The following IGF2BP2 variants were observed in gnomAD, a reference collection of about 807,000 sequenced individuals.
The protein encoded by IGF2BP2 is insulin like growth factor 2 mRNA binding protein 2, also known as insulin-like growth factor 2 mRNA-binding protein 2.
IGF2BP2 carries 17 observed loss-of-function variants against 75.8 expected under a neutral mutation model. The observed-to-expected ratio is 0.22, with a 90% CI of 0.15 to 0.34. IGF2BP2 has a LOEUF of 0.34. Ranked by LOEUF, IGF2BP2 falls within the 10% of genes least tolerant of loss-of-function variation. The probability of loss-of-function intolerance (pLI) is 1.00; values close to 1 mark genes in which losing one functional copy is unlikely to be tolerated. For missense variants in IGF2BP2, 516 were observed against 772.4 expected (o/e 0.67, Z 3.93); for synonymous variants, 288 against 295.6 (o/e 0.97, Z 0.26).
chr3:185,734,999 T>C (rs1728673624), intron 2 of IGF2BP2, among the ~76,000 whole-genome samples: 1 of 152,116 alleles, frequency 6.6e-6, no homozygotes, highest in Admixed American at 6.6e-5. Context: ...CACACATAAG[T>C]GCTCAAGCTA....
intron 6 of IGF2BP2, among the ~76,000 whole-genome samples, chr3:185,687,709 C>T (rs1721341770): frequency 6.6e-6 from 1 of 152,234 alleles, no homozygotes; most frequent in African/African-American, 2.4e-5. Context: ...TTTCCATTGG[C>T]AGCCTGCCAT....
chr3:185,767,020 T>C (rs1692190139), intron 2 of IGF2BP2, among the ~76,000 whole-genome samples: 1 of 152,192 alleles, frequency 6.6e-6, no homozygotes, highest in Non-Finnish European at 1.5e-5. Context: ...CTTCCTAAAA[T>C]AGGACTGAAA....
chr3:185,713,289 C>T (rs1351471033), intron 2 of IGF2BP2: 1 of 393,110 alleles, frequency 2.5e-6, no homozygotes, highest in Non-Finnish European at 5.1e-6. Flanking sequence ...GGATACTCCA[C>T]TTGTTATTGC....
chr3:185,677,490 C>A (rs1213052253), intron 7 of IGF2BP2, among the ~76,000 whole-genome samples: 1 of 152,110 alleles, frequency 6.6e-6, no homozygotes. Flanking sequence ...AGCCAGTACA[C>A]AGAGACTGTG....
intron 2 of IGF2BP2, among the ~76,000 whole-genome samples, chr3:185,817,464 G>C (rs1178597959): frequency 6.6e-6 from 1 of 152,088 alleles, no homozygotes; most frequent in African/African-American, 2.4e-5. Flanking sequence ...AGAATCTGAA[G>C]TTTTCTACAA....
chr3:185,724,162 C>T (rs897226363), intron 2 of IGF2BP2, among the ~76,000 whole-genome samples: 7 of 152,176 alleles, frequency 4.6e-5, no homozygotes, highest in Non-Finnish European at 1.0e-4. Context: ...CCAGACAGCA[C>T]GTGAGCAAAA....
In IGF2BP2 at chr3:185,750,963, T is replaced by A. The variant is rs1195611958; in HGVS notation, c.240-52616A>T. The stretch of plus-strand genomic sequence containing the variant: ...TGGGCGTGGTGGCTCACACCTGTAA[T>A]CCCAGCACTCTGGGAGGCCAATGTG... On this transcript the variant is annotated intron_variant, in intron 2 of 15. Coordinates refer to ENST00000382199, the MANE Select transcript of IGF2BP2 (RefSeq NM_006548.6). 3.3e-5 allele frequency among the ~76,000 whole-genome samples: 5 copies of A among 152,348 alleles called. No individual in the cohort carries two copies. The South Asian group carries it at 8.3e-4, about 25-fold the overall frequency.
At chr3:185,824,577 G>A (rs1317834098) in intron 1 of IGF2BP2, among the ~76,000 whole-genome samples, 1 of 150,312 alleles carries the variant, frequency 6.7e-6, no homozygotes, top group African/African-American at 2.4e-5. Context: ...CCGAGGGCGA[G>A]GGCAGAGTCC....
At chr3:185,757,639 A>AT (rs1731810303) in intron 2 of IGF2BP2, among the ~76,000 whole-genome samples, 1 of 151,484 alleles carries the variant, frequency 6.6e-6, no homozygotes, top group African/African-American at 2.4e-5. Flanking sequence ...TAATTTTTGT[A>AT]TTTTTTGTAG....
chr3:185,775,472 A>G (rs1028988641), intron 2 of IGF2BP2, among the ~76,000 whole-genome samples: 2 of 152,218 alleles, frequency 1.3e-5, no homozygotes, highest in Non-Finnish European at 2.9e-5. Context: ...ACACAATGGT[A>G]AGAGCTAGAA....
intron 9 of IGF2BP2, 33 bp downstream of exon 9, chr3:185,675,263 A>G: frequency 2.5e-6 from 4 of 1,592,874 alleles, no homozygotes; most frequent in Non-Finnish European, 3.4e-6. Flanking sequence ...AGCCTAGTGA[A>G]AACCAGCGGA....
chr3:185,794,898 T>A (rs1218520623), intron 2 of IGF2BP2, among the ~76,000 whole-genome samples: 1 of 151,902 alleles, frequency 6.6e-6, no homozygotes, highest in Non-Finnish European at 1.5e-5. Context: ...CAGTTATCTT[T>A]TCTTTTCTTT....
chr3:185,658,219 C>A, intron 11 of IGF2BP2, 122 bp downstream of exon 11: 2 of 980,638 alleles, frequency 2.0e-6, no homozygotes, highest in Non-Finnish European at 3.2e-6. Context: ...GTGTCACTCC[C>A]AGGACAAACC....
intron 2 of IGF2BP2, among the ~76,000 whole-genome samples, chr3:185,783,109 G>A (rs1735412739): frequency 6.6e-6 from 1 of 152,186 alleles, no homozygotes; most frequent in Non-Finnish European, 1.5e-5. Context: ...TAAAAGGATA[G>A]TGATAAGATT....
intron 2 of IGF2BP2, among the ~76,000 whole-genome samples, chr3:185,755,225 A>G (rs1295553628): frequency 6.6e-6 from 1 of 152,162 alleles, no homozygotes; most frequent in Non-Finnish European, 1.5e-5. Context: ...TGCAACCCCC[A>G]TCTCCACTGC....
rs547559340 is a variant in IGF2BP2, at chr3:185,810,785, A to G, written c.239+12368T>C. On this transcript the variant is annotated intron_variant, in intron 2 of 15. Coordinates refer to ENST00000382199, the MANE Select transcript of IGF2BP2 (RefSeq NM_006548.6). ...AGACTCTGTCTCAAAAAAAAAAACA[A>G]CAAAAAACAAAAACTAAAAAACAAA... Among the ~76,000 whole-genome samples, 33 of 148,730 alleles carry G rather than the reference A, an allele frequency of 2.2e-4. No homozygotes were observed. The South Asian group carries it at 6.8e-3, about 31-fold the overall frequency.
chr3:185,771,311 C>G (rs1418711840), intron 2 of IGF2BP2, among the ~76,000 whole-genome samples: 4 of 151,900 alleles, frequency 2.6e-5, no homozygotes, highest in African/African-American at 9.7e-5. Flanking sequence ...TGTGGTGGTG[C>G]ACGCCTATAA....
intron 1 of IGF2BP2, among the ~76,000 whole-genome samples, chr3:185,824,141 C>G (rs964433076): frequency 8.6e-5 from 13 of 150,938 alleles, no homozygotes; most frequent in Non-Finnish European, 1.6e-4. Flanking sequence ...GGGAAAGGAC[C>G]GAGGGGATGT....
In IGF2BP2 at chr3:185,824,989, C is replaced by G. The variant is rs1741849837; in HGVS notation, c.-29G>C. On this transcript the variant is annotated 5_prime_UTR_variant, in exon 1 of 16. Transcript: ENST00000382199. ...TCTCTTCCCCGAGAGCCCGCGGCTC[C>G]CCCGGCCCGGTACCCGGCGCTCCTC... 1.4e-6 allele frequency: 2 copies of G among 1,460,346 alleles called. No homozygotes were observed. Among genetic ancestry groups the G allele is most frequent in the African/African-American group, 1.4e-5 (1 of 69,704 alleles). 90.5% of individuals were successfully genotyped at this position (1,460,346 alleles called of 1,614,324 possible).
Sources: gnomAD v4.1 joint callset for allele counts (sites outside exome capture counted in the v4.1 genomes callset) on GRCh38, gnomAD v4.1.1 for gene constraint, MANE v1.5 for transcripts, NCBI Gene and HGNC (gene_info 2026-07-23, HGNC 2026-07-21) for gene names.